ARHGAP32: variants seen among roughly 807,000 people sequenced by gnomAD.
The protein encoded by ARHGAP32 is Rho GTPase activating protein 32.
A neutral mutation model predicts 186.5 loss-of-function variants in ARHGAP32; 51 were observed. The observed-to-expected ratio is 0.27, with a 90% CI of 0.22 to 0.35. ARHGAP32 has a LOEUF of 0.35. Among genes scored for constraint, ARHGAP32 ranks in the 10% least tolerant of loss-of-function variants. The pLI, the probability that ARHGAP32 is intolerant of heterozygous loss-of-function variation, is 1.00. For missense variants in ARHGAP32, 2,186 were observed against 2,623.5 expected (o/e 0.83, Z 3.64); for synonymous variants, 950 against 964.3 (o/e 0.99, Z 0.27).
Position 128,970,953 on chromosome 11 carries a change from G to C in ARHGAP32, c.4260C>G (p.Pro1420=). 3 of 1,613,984 alleles carry C rather than the reference G, an allele frequency of 1.9e-6. No homozygotes were observed. The highest frequency in any genetic ancestry group is 2.5e-6 in the Non-Finnish European group (3 of 1,179,980). Residue 1420 remains proline (P), a synonymous_variant, in exon 23 of 23, where the codon CCC becomes CCG. Coordinates refer to ENST00000682385, the MANE Select transcript of ARHGAP32 (RefSeq NM_001378024.1). This position sits in a 1 kb window ranked among gnomAD's most constrained non-coding sequence, Gnocchi z 5.8. ...HLRAESVPAH[P]CGFPAPLPPT... ...GGGGCAGTGGTGCAGGAAAGCCACA[G>C]GGATGCGCAGGGACAGACTCGGCGC...
chr11:129,198,857 T>G (rs1184305012), intron 1 of ARHGAP32, among the ~76,000 whole-genome samples: 1 of 152,030 alleles, frequency 6.6e-6, no homozygotes, highest in Non-Finnish European at 1.5e-5. Context: ...GAAAGAAAAA[T>G]GTGGGAAAGT....
At chr11:129,264,047 T>C (rs140884813) in intron 1 of ARHGAP32, among the ~76,000 whole-genome samples, 121 of 152,288 alleles carry the variant, frequency 7.9e-4, no homozygotes, top group African/African-American at 2.7e-3. Flanking sequence ...AATGGAATAG[T>C]ATTCACCCTT....
chr11:129,266,582 A>G (rs894613489), intron 1 of ARHGAP32, among the ~76,000 whole-genome samples: 1 of 152,182 alleles, frequency 6.6e-6, no homozygotes, highest in Admixed American at 6.5e-5. Context: ...TAACTAAAAC[A>G]TCACATCTAA....
intron 10 of ARHGAP32, among the ~76,000 whole-genome samples, chr11:129,058,261 A>T (rs1217444261): frequency 3.3e-5 from 5 of 151,602 alleles, no homozygotes; most frequent in Non-Finnish European, 7.4e-5. Flanking sequence ...TATCTCATAT[A>T]CAATCATATA....
upstream of ARHGAP32, among the ~76,000 whole-genome samples, chr11:129,279,482 G>C (rs2135741752): frequency 6.9e-6 from 1 of 144,356 alleles, no homozygotes; most frequent in South Asian, 2.1e-4. Context: ...GGGCTCCAGA[G>C]CCTCTCACCC....
intron 1 of ARHGAP32, among the ~76,000 whole-genome samples, chr11:129,182,930 G>A (rs1236676657): frequency 6.6e-6 from 1 of 152,024 alleles, no homozygotes; most frequent in African/African-American, 2.4e-5. Context: ...TTACAGACAT[G>A]AGTCACTGCA....
chr11:129,084,175 C>A (rs569171591), intron 6 of ARHGAP32, among the ~76,000 whole-genome samples: 1 of 151,860 alleles, frequency 6.6e-6, no homozygotes, highest in African/African-American at 2.4e-5. Flanking sequence ...AAACAGAAAC[C>A]AGTAAGCCCA....
At chr11:129,079,077 A>T (rs572054632) in intron 6 of ARHGAP32, among the ~76,000 whole-genome samples, 22 of 152,308 alleles carry the variant, frequency 1.4e-4, no homozygotes, top group African/African-American at 4.8e-4. Context: ...AAAAAAAATT[A>T]AAAAATGAAC....
At chr11:129,207,570 ACTT>A (rs1002227306) in intron 1 of ARHGAP32, among the ~76,000 whole-genome samples, 3 of 150,872 alleles carry the variant, frequency 2.0e-5, no homozygotes, top group Admixed American at 2.0e-4. Context: ...TCCTTTGGCC[ACTT>A]TTTTATGGGT....
intron 1 of ARHGAP32, among the ~76,000 whole-genome samples, chr11:129,277,881 TCA>T (rs1469695043): frequency 6.6e-6 from 1 of 152,220 alleles, no homozygotes; most frequent in African/African-American, 2.4e-5. Context: ...TCTCTTTCCT[TCA>T]CACTCAAGTC....
At chr11:129,018,914 TTAACA>T in intron 11 of ARHGAP32, among the ~76,000 whole-genome samples, 1 of 152,260 alleles carries the variant, frequency 6.6e-6, no homozygotes, top group South Asian at 2.1e-4. Flanking sequence ...CAAAAAGACT[TTAACA>T]TAAATAAGGC....
chr11:129,172,471 C>A (rs1279411658), intron 1 of ARHGAP32, among the ~76,000 whole-genome samples: 1 of 151,900 alleles, frequency 6.6e-6, no homozygotes, highest in Non-Finnish European at 1.5e-5. Context: ...AACTCTCTAC[C>A]CCAAATCAAC....
chr11:129,193,537 TATATTA>T, upstream of ARHGAP32, among the ~76,000 whole-genome samples: 1 of 38,744 alleles, frequency 2.6e-5, no homozygotes, highest in Non-Finnish European at 4.7e-5. Flanking sequence ...ATATAATATA[TATATTA>T]TATATAATAT....
At chr11:129,124,594 T>C (rs1942614247) in intron 3 of ARHGAP32, among the ~76,000 whole-genome samples, 1 of 152,128 alleles carries the variant, frequency 6.6e-6, no homozygotes, top group African/African-American at 2.4e-5. Context: ...TGACATAAGT[T>C]GCTTCAAGAA....
At chr11:129,143,072 C>CATATATAT (rs145242519) in intron 2 of ARHGAP32, among the ~76,000 whole-genome samples, 19,875 of 112,284 alleles carry the variant, frequency 0.18, 2,523 homozygotes, top group African/African-American at 0.29. Context: ...GGTAAAACTG[C>CATATATAT]ATATATATAT....
At chr11:129,128,258 C>T (rs907204360) in intron 2 of ARHGAP32, among the ~76,000 whole-genome samples, 1 of 152,236 alleles carries the variant, frequency 6.6e-6, no homozygotes, top group African/African-American at 2.4e-5. Context: ...TCTTTTAATG[C>T]AAATTGCCAT....
rs537204584 is a variant in ARHGAP32, at chr11:129,008,208, G to A, written c.1046-9740C>T. The stretch of plus-strand genomic sequence containing the variant: ...ACTATGAGTGCTCACCTGATTTTTG[G>A]TTTCTTTGAGGGTATTTTTTTATGC... On this transcript the variant is annotated intron_variant, in intron 11 of 22. Coordinates refer to ENST00000682385, the MANE Select transcript of ARHGAP32 (RefSeq NM_001378024.1). 3.0e-3 allele frequency among the ~76,000 whole-genome samples: 449 copies of A among 152,200 alleles called. 1 individual carries two copies. Among genetic ancestry groups the A allele is most frequent in the African/African-American group, 0.01 (431 of 41,510 alleles).
chr11:129,053,120 T>A (rs1360147278), intron 10 of ARHGAP32, among the ~76,000 whole-genome samples: 1 of 152,088 alleles, frequency 6.6e-6, no homozygotes, highest in Non-Finnish European at 1.5e-5. Flanking sequence ...TGTTCTTTAA[T>A]GCTGATTTAA....
Position 128,981,409 on chromosome 11 carries a change from G to A in ARHGAP32, c.1780+7C>T. ...CCTCCTGGTAGGAAGGGCCATCGGAGCCGTACCTGCCCCCTCTTGCATGGC... is the reference window on the plus strand; with the variant it reads ...CCTCCTGGTAGGAAGGGCCATCGGAACCGTACCTGCCCCCTCTTGCATGGC... On this transcript the variant is annotated splice_region_variant and intron_variant, in intron 17 of 22. Coordinates refer to ENST00000682385, the MANE Select transcript of ARHGAP32 (RefSeq NM_001378024.1). 1 of 1,586,170 alleles carries A rather than the reference G, an allele frequency of 6.3e-7. No homozygotes were observed. Among genetic ancestry groups the A allele is most frequent in the East Asian group, 2.3e-5 (1 of 44,248 alleles).
Sources: gnomAD v4.1 joint callset for allele counts (sites outside exome capture counted in the v4.1 genomes callset) on GRCh38, gnomAD v4.1.1 for gene constraint, Gnocchi (gnomAD v3.1) non-coding constraint, MANE v1.5 for transcripts, NCBI Gene and HGNC (gene_info 2026-07-23, HGNC 2026-07-21) for gene names.